PKIB: variants seen among roughly 807,000 people sequenced by gnomAD.
PKIB encodes the protein PKI-beta.
Under a neutral mutation model 4.5 loss-of-function variants are expected in PKIB, and 2 were observed. That is an observed-to-expected ratio of 0.44 (90% CI 0.18 to 1.39). PKIB has a LOEUF of 1.39. Ranked by LOEUF, PKIB falls within the 40% of genes most tolerant of loss-of-function variation. The pLI, the probability that PKIB is intolerant of heterozygous loss-of-function variation, is 0.27. For synonymous variants in PKIB, 38 were observed against 36.0 expected, an observed-to-expected ratio of 1.06 and a Z score of -0.20; for missense variants, 94 against 92.6, an observed-to-expected ratio of 1.02 and a Z score of -0.06.
intron 3 of PKIB, among the ~76,000 whole-genome samples, chr6:122,590,751 C>G (rs776542274): frequency 4.6e-5 from 7 of 151,844 alleles, no homozygotes; most frequent in Non-Finnish European, 1.0e-4. Flanking sequence ...CTAGCATGCC[C>G]AAGAAAAAAG....
At chr6:122,651,213 G>C (rs2815601) in intron 2 of PKIB, among the ~76,000 whole-genome samples, 150,253 of 152,302 alleles carry the variant, frequency 0.99, 74,139 homozygotes, top group Middle Eastern at 1. Context: ...TGTGATTCAA[G>C]TTTATGTTCC....
At chr6:122,691,017 C>T (rs1778330706) in intron 3 of PKIB, among the ~76,000 whole-genome samples, 4 of 150,838 alleles carry the variant, frequency 2.7e-5, no homozygotes, top group Admixed American at 2.6e-4. Flanking sequence ...GCCACTCTCT[C>T]CCGGCCCTAA....
At chr6:122,547,422 G>A (rs561340178) in intron 2 of PKIB, among the ~76,000 whole-genome samples, 5 of 151,936 alleles carry the variant, frequency 3.3e-5, no homozygotes, top group African/African-American at 7.3e-5. Flanking sequence ...TGCAACCTCC[G>A]CCTCCTGGAT....
At chr6:122,514,230 T>C (rs567172006) in intron 2 of PKIB, among the ~76,000 whole-genome samples, 2 of 152,280 alleles carry the variant, frequency 1.3e-5, no homozygotes, top group South Asian at 4.1e-4. Flanking sequence ...AAAAAAAAAT[T>C]CTTTCTTTGA....
intron 2 of PKIB, among the ~76,000 whole-genome samples, chr6:122,579,386 T>A (rs1264574910): frequency 6.6e-6 from 1 of 152,184 alleles, no homozygotes; most frequent in African/African-American, 2.4e-5. Context: ...TGTAAAGATC[T>A]CTGGTACATC....
chr6:122,498,741 A>T (rs1776145058), intron 2 of PKIB, among the ~76,000 whole-genome samples: 1 of 152,230 alleles, frequency 6.6e-6, no homozygotes, highest in Admixed American at 6.5e-5. Flanking sequence ...TGAAACGAAG[A>T]GGCAAAAATC....
At chr6:122,649,119 A>G (rs1227856855) in intron 2 of PKIB, among the ~76,000 whole-genome samples, 1 of 152,204 alleles carries the variant, frequency 6.6e-6, no homozygotes, top group Non-Finnish European at 1.5e-5. Flanking sequence ...GTTATGTTCT[A>G]TGTCCATTTA....
chr6:122,593,971 A>G (rs960102098), intron 3 of PKIB, among the ~76,000 whole-genome samples: 2 of 152,128 alleles, frequency 1.3e-5, no homozygotes, highest in Non-Finnish European at 2.9e-5. Context: ...AACCAACACA[A>G]GTCCACCCTT....
intron 2 of PKIB, among the ~76,000 whole-genome samples, chr6:122,533,308 T>G (rs2114621110): frequency 6.6e-6 from 1 of 152,194 alleles, no homozygotes; most frequent in Middle Eastern, 3.4e-3. Context: ...TAGCTGGGAC[T>G]ATAGGCGTAT....
chr6:122,658,575 T>A (rs576109247), intron 2 of PKIB, among the ~76,000 whole-genome samples: 13 of 152,240 alleles, frequency 8.5e-5, no homozygotes, highest in South Asian at 6.2e-4. Flanking sequence ...TTCATAATGA[T>A]GTGATGCACA....
At chr6:122,621,149 G>A (rs957403734) in intron 1 of PKIB, among the ~76,000 whole-genome samples, 9 of 152,150 alleles carry the variant, frequency 5.9e-5, no homozygotes, top group Admixed American at 5.9e-4. Flanking sequence ...TTAGAGGTCA[G>A]GAGATTTACT....
At chr6:122,508,534 G>A (rs1369693576) in intron 2 of PKIB, among the ~76,000 whole-genome samples, 5 of 152,156 alleles carry the variant, frequency 3.3e-5, no homozygotes, top group African/African-American at 7.2e-5. Context: ...CAACAAGTCA[G>A]CTTGTTTATT....
chr6:122,571,517 A>G (rs777842816), intron 2 of PKIB, among the ~76,000 whole-genome samples: 3 of 152,238 alleles, frequency 2.0e-5, no homozygotes, highest in Non-Finnish European at 2.9e-5. Flanking sequence ...CAGGTAACCT[A>G]TAAAAGAAAA....
At chr6:122,538,623 G>A (rs557783904) in intron 2 of PKIB, among the ~76,000 whole-genome samples, 2,136 of 152,142 alleles carry the variant, frequency 0.014, 76 homozygotes, top group African/African-American at 0.05. Flanking sequence ...GATGCCTCCG[G>A]CTTTGTTCTT....
intron 3 of PKIB, among the ~76,000 whole-genome samples, chr6:122,699,935 C>T (rs911469389): frequency 1.8e-4 from 27 of 152,134 alleles, no homozygotes; most frequent in African/African-American, 6.0e-4. Flanking sequence ...ATGGGGGATA[C>T]CATGTTTAAA....
chr6:122,556,533 A>G (rs2114664568), intron 2 of PKIB, among the ~76,000 whole-genome samples: 1 of 152,298 alleles, frequency 6.6e-6, no homozygotes, highest in African/African-American at 2.4e-5. Flanking sequence ...CCAGAACAAA[A>G]GAAGGCTCTG....
chr6:122,486,779 A>G (rs1291404079), intron 2 of PKIB, among the ~76,000 whole-genome samples: 1 of 152,140 alleles, frequency 6.6e-6, no homozygotes, highest in Non-Finnish European at 1.5e-5. Flanking sequence ...GACATTTTTC[A>G]TGTAATTTTA....
chr6:122,538,820 C>G (rs1161490736), intron 2 of PKIB, among the ~76,000 whole-genome samples: 13 of 151,980 alleles, frequency 8.6e-5, no homozygotes, highest in Non-Finnish European at 1.5e-4. Context: ...AGCATGGAAT[C>G]TTCTTCCATT....
intron 2 of PKIB, among the ~76,000 whole-genome samples, chr6:122,504,088 C>T (rs1194795675): frequency 6.6e-6 from 1 of 152,048 alleles, no homozygotes; most frequent in African/African-American, 2.4e-5. Flanking sequence ...TCATTGCTGG[C>T]TCAGTGTTCT....
Sources: allele counts gnomAD v4.1 joint callset (sites outside exome capture counted in the v4.1 genomes callset), GRCh38; gene constraint gnomAD v4.1.1; transcripts MANE v1.5; gene names NCBI Gene and HGNC (gene_info 2026-07-23, HGNC 2026-07-21).